FBN2: variants seen among roughly 807,000 people sequenced by gnomAD.
The protein encoded by FBN2 is fibrillin-2.
Under a neutral mutation model 355.6 loss-of-function variants are expected in FBN2, and 105 were observed. That is an observed-to-expected ratio of 0.30 (90% CI 0.25 to 0.35). The LOEUF is 0.35. FBN2 is among the 10% of genes least tolerant of loss of function. The pLI is 1.00. For synonymous variants in FBN2, 1,350 were observed against 1,301.2 expected (o/e 1.04, Z -0.81); for missense variants, 3,280 against 3,758.7 (o/e 0.87, Z 3.33).
chr5:128,467,848 G>A (rs539731077), intron 5 of FBN2, among the ~76,000 whole-genome samples: 54 of 152,246 alleles, frequency 3.5e-4, no homozygotes, highest in African/African-American at 7.0e-4. Flanking sequence ...GCAACATGGC[G>A]TGTTAATTTG....
chr5:128,316,369 T>G (rs867246368), intron 36 of FBN2, among the ~76,000 whole-genome samples: 13 of 152,144 alleles, frequency 8.5e-5, no homozygotes, highest in African/African-American at 2.7e-4. Flanking sequence ...AAAAACAAGA[T>G]CTCTTAATAT....
At chr5:128,467,988 C>G (rs867776913) in intron 5 of FBN2, among the ~76,000 whole-genome samples, 2 of 152,028 alleles carry the variant, frequency 1.3e-5, no homozygotes, top group African/African-American at 4.8e-5. Context: ...TACCATAATT[C>G]GCCTGTTTTA....
chr5:128,310,406 T>A (rs2409558), intron 39 of FBN2, among the ~76,000 whole-genome samples: 86 of 6,710 alleles, frequency 0.013, no homozygotes, highest in East Asian at 0.054. Flanking sequence ...ATATATATTT[T>A]TTTTTTTTTT....
chr5:128,450,787 T>C (rs1007147979), intron 6 of FBN2, among the ~76,000 whole-genome samples: 1 of 152,082 alleles, frequency 6.6e-6, no homozygotes, highest in Non-Finnish European at 1.5e-5. Context: ...ACACTGTATA[T>C]AAAAATAAAT....
At chr5:128,265,004 G>A (rs1378867120) in intron 62 of FBN2, among the ~76,000 whole-genome samples, 2 of 152,164 alleles carry the variant, frequency 1.3e-5, no homozygotes, top group Non-Finnish European at 1.5e-5. Flanking sequence ...AAATGTAGGT[G>A]TCTTAATCAC....
intron 48 of FBN2, among the ~76,000 whole-genome samples, chr5:128,293,234 C>T (rs1227709619): frequency 6.6e-6 from 1 of 152,002 alleles, no homozygotes; most frequent in East Asian, 1.9e-4. Flanking sequence ...AATTAAAAAC[C>T]ATTTTTTCAC....
chr5:128,508,905 T>C (rs1756037914), intron 5 of FBN2, among the ~76,000 whole-genome samples: 1 of 152,108 alleles, frequency 6.6e-6, no homozygotes, highest in South Asian at 2.1e-4. Context: ...TTTAGTGCTC[T>C]AAATGTGCTG....
chr5:128,391,200 T>C (rs907149130), intron 11 of FBN2, among the ~76,000 whole-genome samples: 15 of 152,188 alleles, frequency 9.9e-5, no homozygotes, highest in African/African-American at 3.1e-4. Context: ...TATCAAAGAA[T>C]AACCTCAATT....
chr5:128,427,130 T>C (rs1015953312), intron 7 of FBN2, among the ~76,000 whole-genome samples: 5 of 152,080 alleles, frequency 3.3e-5, no homozygotes, highest in Non-Finnish European at 7.4e-5. Context: ...CCTCTAAAAC[T>C]AAGCTCCTGA....
chr5:128,517,340 T>C (rs1454765248), intron 5 of FBN2, among the ~76,000 whole-genome samples: 2 of 152,208 alleles, frequency 1.3e-5, no homozygotes, highest in Non-Finnish European at 2.9e-5. Flanking sequence ...ATTATGATTA[T>C]GTTTGAAATT....
At chr5:128,453,155 C>CA (rs1210818350) in intron 6 of FBN2, among the ~76,000 whole-genome samples, 2 of 152,208 alleles carry the variant, frequency 1.3e-5, no homozygotes, top group East Asian at 3.9e-4. Context: ...AAATGATCAT[C>CA]AAAACAAGTA....
chr5:128,367,231 A>G (rs1419127503), intron 16 of FBN2, among the ~76,000 whole-genome samples: 1 of 152,146 alleles, frequency 6.6e-6, no homozygotes, highest in African/African-American at 2.4e-5. Flanking sequence ...AAACGCCCCC[A>G]AATTACCCCT....
In FBN2 at chr5:128,347,050, G is replaced by A. The variant is rs371542079; in HGVS notation, c.2990-1466C>T. Among the ~76,000 whole-genome samples the A allele has an allele frequency of 5.9e-5, 9 of 152,124 alleles. No homozygotes were observed. In the East Asian group the frequency reaches 1.3e-3, roughly 23 times the overall value. ...GGCTAGTCTCCTTATAGCTGGTTCC[G>A]TCCCATATGTCAGCAGCTAAGTAAG... On this transcript the variant is annotated intron_variant, in intron 23 of 64. Coordinates refer to ENST00000262464, the MANE Select transcript of FBN2 (RefSeq NM_001999.4).
At chr5:128,487,299 G>A (rs1413636314) in intron 5 of FBN2, among the ~76,000 whole-genome samples, 1 of 152,132 alleles carries the variant, frequency 6.6e-6, no homozygotes, top group East Asian at 1.9e-4. Context: ...TGGACACTTA[G>A]TTATGTAAGA....
At chr5:128,361,408 TA>T (rs1224356412) in intron 19 of FBN2, among the ~76,000 whole-genome samples, 1 of 152,198 alleles carries the variant, frequency 6.6e-6, no homozygotes, top group Non-Finnish European at 1.5e-5. Flanking sequence ...GAAAACACAG[TA>T]AACAAATATT....
At chr5:128,297,645 A>T (rs1370076963) in intron 48 of FBN2, among the ~76,000 whole-genome samples, 4 of 152,136 alleles carry the variant, frequency 2.6e-5, no homozygotes, top group African/African-American at 9.7e-5. Flanking sequence ...TTTATCAGAG[A>T]CTAGGATTGC....
At chr5:128,272,463 CAT>C (rs3083327) in intron 61 of FBN2, among the ~76,000 whole-genome samples, 50 of 139,770 alleles carry the variant, frequency 3.6e-4, no homozygotes, top group African/African-American at 1.0e-3. Flanking sequence ...TTTGGTAAAT[CAT>C]ATATATATAT....
At chr5:128,494,535 C>A (rs1755601028) in intron 5 of FBN2, among the ~76,000 whole-genome samples, 1 of 152,072 alleles carries the variant, frequency 6.6e-6, no homozygotes, top group African/African-American at 2.4e-5. Context: ...TACCCCAGGG[C>A]ATTGTAAAAA....
At chr5:128,388,065 T>A (rs1054765536) in intron 11 of FBN2, among the ~76,000 whole-genome samples, 2 of 152,202 alleles carry the variant, frequency 1.3e-5, no homozygotes, top group African/African-American at 4.8e-5. Flanking sequence ...GGGAAATCTT[T>A]TGTTGCACTG....
Sources: allele counts gnomAD v4.1 joint callset (sites outside exome capture counted in the v4.1 genomes callset), GRCh38; gene constraint gnomAD v4.1.1; transcripts MANE v1.5; gene names NCBI Gene and HGNC (gene_info 2026-07-23, HGNC 2026-07-21).